PTPRD: variants seen among roughly 807,000 people sequenced by gnomAD.
PTPRD encodes the protein protein tyrosine phosphatase receptor type D, also known as receptor-type tyrosine-protein phosphatase delta.
PTPRD carries 34 observed loss-of-function variants against 214.5 expected under a neutral mutation model. The observed-to-expected ratio is 0.16, with a 90% confidence interval of 0.12 to 0.21. PTPRD has a LOEUF of 0.21. Ranked by LOEUF, PTPRD falls within the 10% of genes least tolerant of loss-of-function variation. The pLI is 1.00. For synonymous variants in PTPRD, 1,128 were observed against 845.7 expected (o/e 1.33, Z -5.79); for missense variants, 2,545 against 2,398.7 (o/e 1.06, Z -1.27).
At chr9:8,609,439 C>G (rs1014895478) in intron 14 of PTPRD, among the ~76,000 whole-genome samples, 11 of 152,172 alleles carry the variant, frequency 7.2e-5, no homozygotes, top group African/African-American at 2.7e-4. Context: ...TTGTGAAAAG[C>G]ATTGCCCTTA....
intron 22 of PTPRD, among the ~76,000 whole-genome samples, chr9:8,505,611 G>C (rs1374903028): frequency 3.0e-5 from 4 of 134,332 alleles, no homozygotes; most frequent in Non-Finnish European, 3.1e-5. Context: ...GACAGAGTGA[G>C]GAGACTCTGT....
At chr9:9,293,389 C>G (rs71497137) in intron 9 of PTPRD, among the ~76,000 whole-genome samples, 1 of 111,026 alleles carries the variant, frequency 9.0e-6, no homozygotes, top group East Asian at 2.1e-4. Flanking sequence ...TTTGTTTGTT[C>G]TTTTTTTTTT....
At chr9:10,400,599 A>T (rs1001915805) in intron 2 of PTPRD, among the ~76,000 whole-genome samples, 4 of 151,700 alleles carry the variant, frequency 2.6e-5, no homozygotes, top group Non-Finnish European at 5.9e-5. Context: ...AAAACATCAA[A>T]TGGAATATTG....
At chr9:9,592,984 G>T (rs896013658) in intron 7 of PTPRD, among the ~76,000 whole-genome samples, 2 of 151,908 alleles carry the variant, frequency 1.3e-5, no homozygotes, top group Non-Finnish European at 2.9e-5. Flanking sequence ...GGTGGAGGCT[G>T]CAGTGAGCCA....
intron 7 of PTPRD, among the ~76,000 whole-genome samples, chr9:9,705,714 G>A (rs1024501205): frequency 3.9e-5 from 6 of 151,958 alleles, no homozygotes; most frequent in Admixed American, 1.3e-4. Context: ...ACCTTAACCA[G>A]TTTTGTCATA....
intron 6 of PTPRD, among the ~76,000 whole-genome samples, chr9:9,737,549 T>G (rs1596366019): frequency 3.3e-5 from 5 of 152,284 alleles, no homozygotes; most frequent in Admixed American, 3.3e-4. Context: ...ATCTATTGTC[T>G]CTCTGGATTT....
At chr9:8,698,496 T>C (rs1321830436) in intron 12 of PTPRD, among the ~76,000 whole-genome samples, 4 of 152,228 alleles carry the variant, frequency 2.6e-5, no homozygotes, top group East Asian at 1.9e-4. Flanking sequence ...TATTAACAAA[T>C]AGCTGGATTT....
intron 33 of PTPRD, among the ~76,000 whole-genome samples, chr9:8,458,843 A>G (rs1479086447): frequency 1.3e-5 from 2 of 152,124 alleles, no homozygotes; most frequent in Non-Finnish European, 2.9e-5. Context: ...TTACTTTTTC[A>G]GCTATTTTAC....
intron 8 of PTPRD, chr9:9,442,306 G>C (rs2088347522): frequency 6.6e-6 from 1 of 152,248 alleles, no homozygotes; most frequent in Non-Finnish European, 1.5e-5. Context: ...AGTCTGTAAT[G>C]CTACTGGTGT....
intron 3 of PTPRD, among the ~76,000 whole-genome samples, chr9:10,305,550 CA>C (rs2154411030): frequency 6.6e-6 from 1 of 152,096 alleles, no homozygotes; most frequent in African/African-American, 2.4e-5. Context: ...CCAGAATCTA[CA>C]AAGAGCTTAA....
intron 44 of PTPRD, among the ~76,000 whole-genome samples, chr9:8,326,397 G>A (rs1221291706): frequency 1.3e-5 from 2 of 152,128 alleles, no homozygotes; most frequent in Non-Finnish European, 2.9e-5. Context: ...TGTTGAACAA[G>A]CCTTGCATCC....
At chr9:8,799,328 GAA>G (rs1470242080) in intron 11 of PTPRD, among the ~76,000 whole-genome samples, 2 of 152,320 alleles carry the variant, frequency 1.3e-5, no homozygotes, top group African/African-American at 2.4e-5. Context: ...GTTGGTATAA[GAA>G]AGAATCCCTG....
chr9:9,756,643 A>G (rs959147420), intron 6 of PTPRD, among the ~76,000 whole-genome samples: 4 of 152,242 alleles, frequency 2.6e-5, no homozygotes, highest in Admixed American at 1.3e-4. Context: ...AATGTTTTGG[A>G]ACTGGATAGA....
At chr9:9,238,715 T>C (rs1474102901) in intron 9 of PTPRD, among the ~76,000 whole-genome samples, 3 of 152,112 alleles carry the variant, frequency 2.0e-5, no homozygotes, top group Non-Finnish European at 4.4e-5. Context: ...TGCAATGAGG[T>C]ATATTCTAAA....
At chr9:9,354,071 A>G (rs1335897143) in intron 9 of PTPRD, among the ~76,000 whole-genome samples, 1 of 151,798 alleles carries the variant, frequency 6.6e-6, no homozygotes, top group African/African-American at 2.4e-5. Context: ...TCCTTCTTCT[A>G]TGAAGCCACA....
At chr9:9,352,258 G>T (rs954803927) in intron 9 of PTPRD, among the ~76,000 whole-genome samples, 1 of 150,810 alleles carries the variant, frequency 6.6e-6, no homozygotes, top group Admixed American at 6.6e-5. Flanking sequence ...GCTTTGTATT[G>T]CTGGAAATTT....
chr9:10,503,539 T>C (rs2044625863), intron 2 of PTPRD, among the ~76,000 whole-genome samples: 1 of 152,118 alleles, frequency 6.6e-6, no homozygotes, highest in East Asian at 1.9e-4. Flanking sequence ...TAGAAAAAGA[T>C]ATTTAACCTA....
intron 10 of PTPRD, among the ~76,000 whole-genome samples, chr9:9,141,295 C>T (rs2099860058): frequency 6.7e-6 from 1 of 150,180 alleles, no homozygotes; most frequent in Non-Finnish European, 1.5e-5. Context: ...ACCCTAGGTT[C>T]CTGAGTCATT....
chr9:8,828,767 T>C (rs1300721232), intron 11 of PTPRD, among the ~76,000 whole-genome samples: 2 of 152,204 alleles, frequency 1.3e-5, no homozygotes, highest in African/African-American at 4.8e-5. Flanking sequence ...TCTGGATTCA[T>C]TATAAAGCTT....
Sources: gnomAD v4.1 joint callset for allele counts (sites outside exome capture counted in the v4.1 genomes callset) on GRCh38, gnomAD v4.1.1 for gene constraint, MANE v1.5 for transcripts, NCBI Gene and HGNC (gene_info 2026-07-23, HGNC 2026-07-21) for gene names.